The following THSD7A variants were observed in gnomAD, a reference collection of about 807,000 sequenced individuals.
THSD7A encodes the protein thrombospondin type 1 domain containing 7A.
THSD7A carries 96 observed loss-of-function variants against 231.3 expected under a neutral mutation model. The observed-to-expected ratio is 0.41, with a 90% CI of 0.35 to 0.49. THSD7A has a LOEUF of 0.49. Among genes scored for constraint, THSD7A ranks in the 20% least tolerant of loss-of-function variants. The pLI, the probability that THSD7A is intolerant of heterozygous loss-of-function variation, is 0.05. For synonymous variants in THSD7A, 940 were observed against 743.3 expected, an observed-to-expected ratio of 1.26 and a Z score of -4.30; for missense variants, 2,290 against 2,070.2, an observed-to-expected ratio of 1.11 and a Z score of -2.06.
At chr7:11,705,365 T>C (rs994014961) in intron 1 of THSD7A, among the ~76,000 whole-genome samples, 3 of 151,118 alleles carry the variant, frequency 2.0e-5, no homozygotes, top group Non-Finnish European at 4.5e-5. Flanking sequence ...TGCAATAATT[T>C]GATGTAAATG....
chr7:11,444,681 C>T lies in THSD7A; in HGVS notation c.3064+1380G>A, dbSNP rs1784905654. Among the ~76,000 whole-genome samples the T allele has an allele frequency of 6.6e-6, 1 of 151,386 alleles. No individual in the cohort carries two copies. Among genetic ancestry groups the T allele is most frequent in the Admixed American group, 6.6e-5 (1 of 15,138 alleles). The stretch of plus-strand genomic sequence containing the variant: ...CGGGTTGATGGGTGCAGCAAACCAC[C>T]ATGGTACGTGTATACCTATGTTGCA... On this transcript the variant is annotated intron_variant, in intron 13 of 27. Transcript: ENST00000423059. The surrounding 1 kb of genome is among the most constrained non-coding windows in gnomAD (Gnocchi z 4.2).
chr7:11,521,648 C>T (rs963132464), intron 6 of THSD7A, among the ~76,000 whole-genome samples: 3 of 140,646 alleles, frequency 2.1e-5, no homozygotes, highest in Non-Finnish European at 4.6e-5. Flanking sequence ...CACCCACTAA[C>T]GTGTCATCTA....
chr7:11,711,707 A>G (rs1780971886), intron 1 of THSD7A, among the ~76,000 whole-genome samples: 1 of 151,164 alleles, frequency 6.6e-6, no homozygotes, highest in Admixed American at 6.6e-5. Flanking sequence ...TGGCAGAAGT[A>G]TGTAACTTCA....
chr7:11,747,907 C>G (rs1007002525), intron 1 of THSD7A, among the ~76,000 whole-genome samples: 1 of 151,758 alleles, frequency 6.6e-6, no homozygotes, highest in Non-Finnish European at 1.5e-5. Context: ...ACATAATAGG[C>G]CACTTTCAGG....
intron 4 of THSD7A, among the ~76,000 whole-genome samples, chr7:11,564,718 A>G (rs1790231422): frequency 6.6e-6 from 1 of 152,192 alleles, no homozygotes; most frequent in Non-Finnish European, 1.5e-5. Context: ...TTATAGAGAA[A>G]GGTCCATATG....
intron 23 of THSD7A, among the ~76,000 whole-genome samples, chr7:11,395,775 C>A (rs991998968): frequency 6.6e-6 from 1 of 152,148 alleles, no homozygotes; most frequent in African/African-American, 2.4e-5. Context: ...ATCCGCCCGC[C>A]TCGGCCTCCC....
Position 11,464,261 on chromosome 7 carries a change from C to T in THSD7A, c.2369-2118G>A, listed in dbSNP as rs550863943. ...TTTGTTTTTTAATGGGGAGGTAAGA[C>T]GTAAAGGGCTCAAATGGGTTTTTGT... On this transcript the variant is annotated intron_variant, in intron 9 of 27. Transcript: ENST00000423059. Among the ~76,000 whole-genome samples, 50 of 151,756 alleles carry T rather than the reference C, an allele frequency of 3.3e-4. 1 individual carries two copies. Among genetic ancestry groups the T allele is most frequent in the South Asian group, 4.1e-4 (2 of 4,822 alleles).
intron 1 of THSD7A, among the ~76,000 whole-genome samples, chr7:11,745,524 C>T (rs996326850): frequency 2.0e-5 from 3 of 152,056 alleles, no homozygotes; most frequent in Non-Finnish European, 2.9e-5. Context: ...TTGCCCATGC[C>T]TATTTCCTGA....
intron 1 of THSD7A, among the ~76,000 whole-genome samples, chr7:11,670,072 G>A (rs951952559): frequency 7.2e-5 from 11 of 152,106 alleles, no homozygotes; most frequent in African/African-American, 2.4e-4. Flanking sequence ...ACATTTAACA[G>A]GCGTGCAAAA....
chr7:11,370,741 A>T lies in THSD7A; in HGVS notation c.*5053T>A, dbSNP rs573789407. 7 of 152,298 alleles carry T rather than the reference A, an allele frequency of 4.6e-5. No individual in the cohort carries two copies. The highest frequency in any genetic ancestry group is 1.0e-4 in the Non-Finnish European group (7 of 68,000). 9.4% of individuals were successfully genotyped at this position (152,298 alleles called of 1,614,324 possible). On this transcript the variant is annotated 3_prime_UTR_variant, in exon 28 of 28. Coordinates refer to ENST00000423059, the MANE Select transcript of THSD7A (RefSeq NM_015204.3). ...AATATTCAGGTAGTTAAATTAACAT[A>T]AAATACACATTTAGGGAATAATAAT... is the stretch of plus-strand genomic sequence containing the variant.
At chr7:11,505,697 T>C (rs1372943184) in intron 6 of THSD7A, among the ~76,000 whole-genome samples, 5 of 152,064 alleles carry the variant, frequency 3.3e-5, no homozygotes, top group Non-Finnish European at 4.4e-5. Flanking sequence ...CATACAACAT[T>C]GGGTGTTCAG....
chr7:11,657,623 CAT>C (rs1782757368), intron 1 of THSD7A, among the ~76,000 whole-genome samples: 1 of 151,808 alleles, frequency 6.6e-6, no homozygotes, highest in Non-Finnish European at 1.5e-5. Context: ...TGTTTTGACA[CAT>C]AGTTATATTG....
chr7:11,740,699 C>T (rs1263581142), intron 1 of THSD7A, among the ~76,000 whole-genome samples: 1 of 151,888 alleles, frequency 6.6e-6, no homozygotes, highest in Non-Finnish European at 1.5e-5. Flanking sequence ...TATATACCTT[C>T]TCCCAAACAT....
chr7:11,688,089 T>G, intron 1 of THSD7A, among the ~76,000 whole-genome samples: 1 of 118,252 alleles, frequency 8.5e-6, no homozygotes, highest in Non-Finnish European at 1.7e-5. Flanking sequence ...GCCCCCGGTG[T>G]GTGATGTTCC....
intron 14 of THSD7A, among the ~76,000 whole-genome samples, chr7:11,428,257 G>T (rs1784380660): frequency 6.6e-6 from 1 of 152,090 alleles, no homozygotes; most frequent in Non-Finnish European, 1.5e-5. Flanking sequence ...GCCAAACATG[G>T]TAATAATTGT....
intron 6 of THSD7A, among the ~76,000 whole-genome samples, chr7:11,504,095 G>A (rs1362653231): frequency 6.6e-6 from 1 of 152,138 alleles, no homozygotes; most frequent in Non-Finnish European, 1.5e-5. Context: ...TAAAGAAAAT[G>A]TGATACATAT....
chr7:11,638,243 G>A (rs557191706), intron 1 of THSD7A, among the ~76,000 whole-genome samples: 1 of 152,298 alleles, frequency 6.6e-6, no homozygotes, highest in East Asian at 1.9e-4. Context: ...CTCTACGGAT[G>A]AGAAAAACAG....
intron 26 of THSD7A, 64 bp from the exon 27 acceptor site, chr7:11,376,721 CTATGACCAATGATCAGTCATA>C (rs935215243): frequency 8.0e-7 from 1 of 1,254,980 alleles, no homozygotes. Flanking sequence ...CAGTCTTTAA[CTATGACCAATGATCAGTCATA>C]TATGACCAAT....
Position 11,371,441 on chromosome 7 carries a change from A to G in THSD7A, c.*4353T>C, listed in dbSNP as rs1333115017. On this transcript the variant is annotated 3_prime_UTR_variant, in exon 28 of 28. Coordinates refer to ENST00000423059, the MANE Select transcript of THSD7A (RefSeq NM_015204.3). ...GACAAGATTCCTCACAGATTTGCTC[A>G]AGGACTACTGTTTTTTCAACACCCT... 1 of 152,192 alleles carries G rather than the reference A, an allele frequency of 6.6e-6. No homozygotes were observed. Among genetic ancestry groups the G allele is most frequent in the Non-Finnish European group, 1.5e-5 (1 of 68,036 alleles). The allele number at this position is 152,192 out of a possible 1,614,324, so 9.4% of individuals were successfully genotyped here. A position where few individuals can be genotyped will look rare whatever the true frequency, so the allele number is the denominator to read the frequency against.
Sources: gnomAD v4.1 joint callset for allele counts (sites outside exome capture counted in the v4.1 genomes callset) on GRCh38, gnomAD v4.1.1 for gene constraint, Gnocchi (gnomAD v3.1) non-coding constraint, MANE v1.5 for transcripts, NCBI Gene and HGNC (gene_info 2026-07-23, HGNC 2026-07-21) for gene names.